Variants in NUDT5 observed in about 807,000 individuals in gnomAD.
The protein encoded by NUDT5 is ADP-sugar pyrophosphatase.
A neutral mutation model predicts 34.1 loss-of-function variants in NUDT5; 21 were observed. The observed-to-expected ratio is 0.62, with a 90% CI of 0.44 to 0.89. The LOEUF (loss-of-function observed/expected upper bound fraction) is 0.89, where lower values mean the gene tolerates loss of function less well. Ranked by LOEUF, NUDT5 falls within the 40% of genes least tolerant of loss-of-function variation. The pLI, the probability that NUDT5 is intolerant of heterozygous loss-of-function variation, is 0.00. For synonymous variants in NUDT5, 85 were observed against 97.6 expected (o/e 0.87, Z 0.76); for missense variants, 249 against 274.8 (o/e 0.91, Z 0.66).
rs554252055 is a variant in NUDT5 at position 12,171,830 on chromosome 10, T to C, written c.488-922A>G. ...ACCTCCGCCTCCTGGGTTCAAGTGATTCTTGTGTCTCAGCTTCCCGAGTAG... is the reference window on the plus strand; with the variant it reads ...ACCTCCGCCTCCTGGGTTCAAGTGACTCTTGTGTCTCAGCTTCCCGAGTAG... On this transcript the variant is annotated intron_variant, in intron 7 of 9. Coordinates refer to ENST00000491614, the MANE Select transcript of NUDT5 (RefSeq NM_014142.4). The surrounding 1 kb of genome is among the most constrained non-coding windows in gnomAD (Gnocchi z 4.2). Among the ~76,000 whole-genome samples the C allele has an allele frequency of 5.9e-5, 9 of 151,974 alleles. No individual in the cohort carries two copies. The highest frequency in any genetic ancestry group is 1.7e-4 in the African/African-American group (7 of 41,432).
intron 1 of NUDT5, among the ~76,000 whole-genome samples, chr10:12,190,606 CTTTTTTTTTTTT>C (rs1013405393): frequency 1.6e-5 from 2 of 127,958 alleles, no homozygotes; most frequent in African/African-American, 6.0e-5. Context: ...ATGATAAAGC[CTTTTTTTTTTTT>C]TTTTTTTTGA....
chr10:12,172,050 A>G (rs1834868245), intron 7 of NUDT5, among the ~76,000 whole-genome samples: 1 of 152,136 alleles, frequency 6.6e-6, no homozygotes, highest in Non-Finnish European at 1.5e-5. Flanking sequence ...AATTAGTTGC[A>G]GTGGGATACT....
intron 1 of NUDT5, among the ~76,000 whole-genome samples, chr10:12,194,933 C>G (rs1835305790): frequency 6.6e-6 from 1 of 152,128 alleles, no homozygotes; most frequent in Non-Finnish European, 1.5e-5. Flanking sequence ...GAGGCTGAGG[C>G]GGGCAGATCA....
chr10:12,180,274 C>G (rs1270464997), intron 3 of NUDT5: 1 of 152,178 alleles, frequency 6.6e-6, no homozygotes, highest in Non-Finnish European at 1.5e-5. Context: ...AAAATGAACA[C>G]AGGAAAATCA....
chr10:12,189,481 G>A (rs1470693095), intron 1 of NUDT5, among the ~76,000 whole-genome samples: 2 of 152,144 alleles, frequency 1.3e-5, no homozygotes, highest in Non-Finnish European at 2.9e-5. Context: ...CACTGATTCC[G>A]TGAATGACAA....
rs375511611 is a variant in NUDT5, at chr10:12,186,300, G to A, written c.-9C>T. On this transcript the variant is annotated 5_prime_UTR_variant, in exon 2 of 10. Coordinates refer to ENST00000491614, the MANE Select transcript of NUDT5 (RefSeq NM_014142.4). Reference sequence around the variant, plus strand: ...GGTTCTTGGCTCTCCATTTTCAAACGAGTCTTTACAGCCCTCAGGTGAGAA... The same window carrying A: ...GGTTCTTGGCTCTCCATTTTCAAACAAGTCTTTACAGCCCTCAGGTGAGAA... 2.1e-5 allele frequency: 34 copies of A among 1,602,652 alleles called. No individual in the cohort carries two copies. Among genetic ancestry groups the A allele is most frequent in the Admixed American group, 3.3e-5 (2 of 59,982 alleles).
chr10:12,180,004 T>A (rs988513064), intron 3 of NUDT5, among the ~76,000 whole-genome samples: 100 of 152,152 alleles, frequency 6.6e-4, no homozygotes, highest in African/African-American at 2.3e-3. Flanking sequence ...TTAAAGGAAG[T>A]GAAACATGTG....
In NUDT5 at chr10:12,165,885, A is replaced by G. The variant is rs777997656; in HGVS notation, c.*1817T>C. On this transcript the variant is annotated 3_prime_UTR_variant, in exon 10 of 10. Coordinates refer to ENST00000491614, the MANE Select transcript of NUDT5 (RefSeq NM_014142.4). ...GGCCTCAGACCACTGTTACCATAAA[A>G]ACATCCACCCAGTGTTATGACGTCC... The G allele has an allele frequency of 2.6e-5, 4 of 152,192 alleles. No individual in the cohort carries two copies. The highest frequency in any genetic ancestry group is 6.5e-5 in the Admixed American group (1 of 15,272). 9.4% of individuals were successfully genotyped at this position (152,192 alleles called of 1,614,324 possible).
intron 1 of NUDT5, among the ~76,000 whole-genome samples, chr10:12,191,822 C>T (rs1254825327): frequency 6.6e-6 from 1 of 152,180 alleles, no homozygotes; most frequent in Non-Finnish European, 1.5e-5. Context: ...TCACCAACTT[C>T]AGTATGCCAG....
At chr10:12,186,624 T>C (rs935628845) in intron 1 of NUDT5, among the ~76,000 whole-genome samples, 19 of 126,292 alleles carry the variant, frequency 1.5e-4, no homozygotes, top group Non-Finnish European at 3.0e-4. Context: ...TTTTCTTTTT[T>C]TTTTTTTCTT....
In NUDT5 at chr10:12,166,253, C is replaced by T. The variant is rs1430971513; in HGVS notation, c.*1449G>A. On this transcript the variant is annotated 3_prime_UTR_variant, in exon 10 of 10. Coordinates refer to ENST00000491614, the MANE Select transcript of NUDT5 (RefSeq NM_014142.4). Reference sequence around the variant, plus strand: ...CTGCGCCCGTCTACGGATGCCTTCTCTCTTGATTTCAATGATTGATAGCAT... The same window carrying T: ...CTGCGCCCGTCTACGGATGCCTTCTTTCTTGATTTCAATGATTGATAGCAT... 6.5e-6 allele frequency: 1 copy of T among 153,418 alleles called. No homozygotes were observed. The highest frequency in any genetic ancestry group is 2.4e-5 in the African/African-American group (1 of 41,452). The allele number at this position is 153,418 out of a possible 1,614,324, so 9.5% of individuals were successfully genotyped here.
At chr10:12,189,914 GAC>G (rs1835194275) in intron 1 of NUDT5, among the ~76,000 whole-genome samples, 1 of 137,714 alleles carries the variant, frequency 7.3e-6, no homozygotes, top group African/African-American at 2.7e-5. Flanking sequence ...TTTTTTTTGA[GAC>G]AGAGTCTTGC....
chr10:12,168,751 G>C lies in NUDT5; in HGVS notation c.551-940C>G, dbSNP rs1834774862. Among the ~76,000 whole-genome samples, 1 of 151,984 alleles carries C rather than the reference G, an allele frequency of 6.6e-6. No individual in the cohort carries two copies. Among genetic ancestry groups the C allele is most frequent in the Non-Finnish European group, 1.5e-5 (1 of 67,958 alleles). On this transcript the variant is annotated intron_variant, in intron 9 of 9. Transcript: ENST00000491614. The surrounding 1 kb of genome is among the most constrained non-coding windows in gnomAD (Gnocchi z 4.8). ...CAGATGCTACTCTTTGTAGCAAACTGATCTTTTTTTAATTTTTTTTTTATG... is the reference window on the plus strand; with the variant it reads ...CAGATGCTACTCTTTGTAGCAAACTCATCTTTTTTTAATTTTTTTTTTATG...
chr10:12,174,579 G>A (rs1001420268), intron 5 of NUDT5, among the ~76,000 whole-genome samples: 28 of 152,134 alleles, frequency 1.8e-4, no homozygotes, highest in Admixed American at 6.6e-5. Context: ...GCCCAGCTTG[G>A]AATTTTTATA....
At position 12,167,749 on chromosome 10, in the gene NUDT5, T is replaced by C; in HGVS notation, c.613A>G (p.Lys205Glu). Residue 205 changes from lysine (K) to glutamate (E), a missense_variant, in exon 10 of 10, where the codon AAA becomes GAA. Coordinates refer to ENST00000491614, the MANE Select transcript of NUDT5 (RefSeq NM_014142.4). ...ARVYSYALAL[K>E]HANAKPFEVP... Reference sequence around the variant, plus strand: ...TCAAATGGCTTTGCATTTGCATGTTTCAGTGCTAGAGCGTAGGAATAGACC... The same window carrying C: ...TCAAATGGCTTTGCATTTGCATGTTCCAGTGCTAGAGCGTAGGAATAGACC... 6.2e-7 allele frequency: 1 copy of C among 1,614,224 alleles called. No individual in the cohort carries two copies. The highest frequency in any genetic ancestry group is 8.5e-7 in the Non-Finnish European group (1 of 1,180,028).
intron 7 of NUDT5, chr10:12,172,539 G>A: frequency 1.7e-6 from 1 of 577,510 alleles, no homozygotes; most frequent in Admixed American, 3.1e-5. Context: ...AGGGAAATAT[G>A]TCATTTAACA....
Position 12,168,173 on chromosome 10 carries a change from C to T in NUDT5, c.551-362G>A, listed in dbSNP as rs566003337. Among the ~76,000 whole-genome samples, 5 of 152,058 alleles carry T rather than the reference C, an allele frequency of 3.3e-5. No homozygotes were observed. The highest frequency in any genetic ancestry group is 2.1e-4 in the South Asian group (1 of 4,806). On this transcript the variant is annotated intron_variant, in intron 9 of 9. Transcript: ENST00000491614. The surrounding 1 kb of genome is among the most constrained non-coding windows in gnomAD (Gnocchi z 4.8). Reference sequence around the variant, plus strand: ...CCCAGTAGCTGGGACTATAGGCGCACGCCACCACGCCCAGCTAATTTTTGT... The same window carrying T: ...CCCAGTAGCTGGGACTATAGGCGCATGCCACCACGCCCAGCTAATTTTTGT...
chr10:12,188,683 A>G (rs983500073), intron 1 of NUDT5, among the ~76,000 whole-genome samples: 2 of 141,918 alleles, frequency 1.4e-5, no homozygotes, highest in African/African-American at 5.2e-5. Flanking sequence ...GTGAGCTGAG[A>G]TCGTGCCACT....
Position 12,165,750 on chromosome 10 carries a change from T to C in NUDT5, c.*1952A>G, listed in dbSNP as rs114584780. ...GGGTTTTCATTGCTGTTTAGTTTCT[T>C]AGGTGTGGTATGTCTTACGTAGCTT... On this transcript the variant is annotated 3_prime_UTR_variant, in exon 10 of 10. Coordinates refer to ENST00000491614, the MANE Select transcript of NUDT5 (RefSeq NM_014142.4). The C allele has an allele frequency of 6.6e-6, 1 of 152,324 alleles. No individual in the cohort carries two copies. Among genetic ancestry groups the C allele is most frequent in the African/African-American group, 2.4e-5 (1 of 41,580 alleles). The allele number at this position is 152,324 out of a possible 1,614,324, so 9.4% of individuals were successfully genotyped here.
Sources: allele counts gnomAD v4.1 joint callset (sites outside exome capture counted in the v4.1 genomes callset), GRCh38; gene constraint gnomAD v4.1.1; non-coding constraint Gnocchi (gnomAD v3.1); transcripts MANE v1.5; gene names NCBI Gene and HGNC (gene_info 2026-07-23, HGNC 2026-07-21).